SLC24A3: variants seen among roughly 807,000 people sequenced by gnomAD.
The protein encoded by SLC24A3 is solute carrier family 24 member 3.
Under a neutral mutation model 75.8 loss-of-function variants are expected in SLC24A3, and 28 were observed. The ratio of observed to expected loss-of-function variants is 0.37; its 90% confidence interval spans 0.27 to 0.51. SLC24A3 has a LOEUF of 0.51. Among genes scored for constraint, SLC24A3 ranks in the 20% least tolerant of loss-of-function variants. SLC24A3 has a pLI of 0.94. For missense variants in SLC24A3, 663 were observed against 847.8 expected (o/e 0.78, Z 2.71); for synonymous variants, 372 against 334.1 (o/e 1.11, Z -1.24).
At chr20:19,688,987 T>C (rs1259755227) in intron 12 of SLC24A3, among the ~76,000 whole-genome samples, 1 of 152,114 alleles carries the variant, frequency 6.6e-6, no homozygotes, top group Non-Finnish European at 1.5e-5. Context: ...TATACACATA[T>C]ACATCTACAC....
At chr20:19,565,452 A>T (rs950836351) in intron 3 of SLC24A3, among the ~76,000 whole-genome samples, 2 of 152,064 alleles carry the variant, frequency 1.3e-5, no homozygotes, top group Non-Finnish European at 2.9e-5. Context: ...TAGTAGTAGG[A>T]AAGTCCAGCT....
intron 2 of SLC24A3, among the ~76,000 whole-genome samples, chr20:19,292,708 G>T (rs950934365): frequency 1.3e-5 from 2 of 152,218 alleles, no homozygotes; most frequent in African/African-American, 4.8e-5. Flanking sequence ...GGTTTGATCT[G>T]CACTTGACTG....
chr20:19,490,003 G>A (rs1031273865), intron 2 of SLC24A3, among the ~76,000 whole-genome samples: 5 of 152,106 alleles, frequency 3.3e-5, no homozygotes, highest in Non-Finnish European at 5.9e-5. Context: ...TGTGTCCTTG[G>A]TGTATCTGGT....
intron 2 of SLC24A3, among the ~76,000 whole-genome samples, chr20:19,488,649 G>T (rs888298410): frequency 3.3e-5 from 5 of 152,102 alleles, no homozygotes; most frequent in African/African-American, 9.7e-5. Context: ...TACAGGTTGG[G>T]CATCCCTTAT....
chr20:19,463,027 T>G (rs1317589125), intron 2 of SLC24A3, among the ~76,000 whole-genome samples: 1 of 152,204 alleles, frequency 6.6e-6, no homozygotes, highest in Non-Finnish European at 1.5e-5. Flanking sequence ...GGTCTGGTCC[T>G]GCCCACTCTT....
chr20:19,378,366 A>C (rs1986123376), intron 2 of SLC24A3, among the ~76,000 whole-genome samples: 1 of 152,212 alleles, frequency 6.6e-6, no homozygotes, highest in Admixed American at 6.5e-5. Flanking sequence ...ATCAGTGGAC[A>C]AAGCTAGACT....
chr20:19,650,311 T>G (rs886887782), intron 6 of SLC24A3, among the ~76,000 whole-genome samples: 4 of 152,356 alleles, frequency 2.6e-5, no homozygotes, highest in Admixed American at 6.5e-5. Context: ...CATCTAGACC[T>G]AGTGCAAGAT....
At chr20:19,549,175 G>A (rs926535835) in intron 3 of SLC24A3, among the ~76,000 whole-genome samples, 1 of 152,210 alleles carries the variant, frequency 6.6e-6, no homozygotes, top group Admixed American at 6.5e-5. Flanking sequence ...TCACATGATG[G>A]CACCTAACTG....
intron 2 of SLC24A3, among the ~76,000 whole-genome samples, chr20:19,314,806 T>C (rs1456829485): frequency 2.0e-5 from 3 of 152,314 alleles, no homozygotes. Flanking sequence ...CACACCTTAG[T>C]GGTTACCAGG....
intron 2 of SLC24A3, among the ~76,000 whole-genome samples, chr20:19,283,593 A>G (rs1015672257): frequency 6.6e-6 from 1 of 152,166 alleles, no homozygotes; most frequent in African/African-American, 2.4e-5. Context: ...CCCAATTGCA[A>G]ACATCTCAAG....
chr20:19,353,375 T>C (rs911693035), intron 2 of SLC24A3, among the ~76,000 whole-genome samples: 3 of 152,132 alleles, frequency 2.0e-5, no homozygotes, highest in Non-Finnish European at 2.9e-5. Context: ...GACAGTTTAA[T>C]CATAGCTATT....
chr20:19,504,694 C>T (rs1308077696), intron 2 of SLC24A3, among the ~76,000 whole-genome samples: 1 of 152,224 alleles, frequency 6.6e-6, no homozygotes, highest in Non-Finnish European at 1.5e-5. Context: ...TCCATTCAAA[C>T]ATTCTGTCTC....
intron 2 of SLC24A3, among the ~76,000 whole-genome samples, chr20:19,478,653 AGAG>A (rs1988001488): frequency 6.6e-6 from 1 of 152,124 alleles, no homozygotes; most frequent in African/African-American, 2.4e-5. Flanking sequence ...TCCACCAACA[AGAG>A]GAGTCTGGGC....
intron 14 of SLC24A3, chr20:19,697,562 T>G (rs1204370375): frequency 6.6e-6 from 1 of 152,394 alleles, no homozygotes; most frequent in East Asian, 1.9e-4. Context: ...GCTCACAGGC[T>G]CACAGCTTAC....
intron 1 of SLC24A3, chr20:19,242,723 A>T (rs1982366067): frequency 6.6e-6 from 1 of 152,228 alleles, no homozygotes; most frequent in South Asian, 2.1e-4. Flanking sequence ...CAAAGAACGG[A>T]CACAAATATA....
intron 2 of SLC24A3, among the ~76,000 whole-genome samples, chr20:19,300,994 A>G (rs971102092): frequency 5.9e-5 from 9 of 152,092 alleles, no homozygotes; most frequent in African/African-American, 1.9e-4. Flanking sequence ...AACATAGCAC[A>G]CCTAACTTGC....
intron 2 of SLC24A3, among the ~76,000 whole-genome samples, chr20:19,356,483 T>G (rs1985683702): frequency 6.6e-6 from 1 of 152,244 alleles, no homozygotes; most frequent in Non-Finnish European, 1.5e-5. Flanking sequence ...TTGACATTAT[T>G]TTTGTGAGGT....
At chr20:19,297,096 A>G (rs1380904958) in intron 2 of SLC24A3, among the ~76,000 whole-genome samples, 1 of 152,182 alleles carries the variant, frequency 6.6e-6, no homozygotes, top group Non-Finnish European at 1.5e-5. Context: ...TATAGTTTAC[A>G]TTTTACTATA....
chr20:19,405,610 A>C (rs1267271997), intron 2 of SLC24A3, among the ~76,000 whole-genome samples: 1 of 152,188 alleles, frequency 6.6e-6, no homozygotes, highest in African/African-American at 2.4e-5. Context: ...CTATCTTCAC[A>C]ATCACTGCTC....
Sources: gnomAD v4.1 joint callset for allele counts (sites outside exome capture counted in the v4.1 genomes callset) on GRCh38, gnomAD v4.1.1 for gene constraint, MANE v1.5 for transcripts, NCBI Gene and HGNC (gene_info 2026-07-23, HGNC 2026-07-21) for gene names.